CHRM3: variants seen among roughly 807,000 people sequenced by gnomAD.
CHRM3 encodes cholinergic receptor muscarinic 3.
CHRM3 carries 11 observed loss-of-function variants against 41.8 expected under a neutral mutation model. That is an observed-to-expected ratio of 0.26 (90% CI 0.17 to 0.44). The LOEUF (loss-of-function observed/expected upper bound fraction) is 0.44. Among genes scored for constraint, CHRM3 ranks in the 20% least tolerant of loss-of-function variants. The pLI, the probability that CHRM3 is intolerant of heterozygous loss-of-function variation, is 1.00. For synonymous variants in CHRM3, 297 were observed against 301.4 expected, an observed-to-expected ratio of 0.99 and a Z score of 0.15; for missense variants, 571 against 745.4, an observed-to-expected ratio of 0.77 and a Z score of 2.72.
At chr1:239,840,960 C>A (rs531663838) in intron 6 of CHRM3, among the ~76,000 whole-genome samples, 1 of 152,266 alleles carries the variant, frequency 6.6e-6, no homozygotes, top group Non-Finnish European at 1.5e-5. Flanking sequence ...TGGGCAGCAA[C>A]AAACACTGAG....
chr1:239,695,745 T>C (rs1029576329), intron 5 of CHRM3, among the ~76,000 whole-genome samples: 1 of 152,154 alleles, frequency 6.6e-6, no homozygotes, highest in African/African-American at 2.4e-5. Flanking sequence ...AACAATTGTT[T>C]TTAAGAGCCA....
chr1:239,592,278 T>G (rs1407038832), intron 3 of CHRM3, among the ~76,000 whole-genome samples: 1 of 152,232 alleles, frequency 6.6e-6, no homozygotes, highest in Non-Finnish European at 1.5e-5. Context: ...GTTTTTGCTT[T>G]GTCCCTCTAA....
intron 1 of CHRM3, among the ~76,000 whole-genome samples, chr1:239,447,145 G>A (rs574797387): frequency 1.2e-4 from 18 of 152,230 alleles, no homozygotes; most frequent in African/African-American, 4.3e-4. Flanking sequence ...ACTTTGAGTA[G>A]CATTTTCAAA....
chr1:239,641,072 G>A (rs1348547276), intron 4 of CHRM3, among the ~76,000 whole-genome samples: 1 of 152,166 alleles, frequency 6.6e-6, no homozygotes, highest in Non-Finnish European at 1.5e-5. Flanking sequence ...TAGGTGAGCG[G>A]TTTTGCGTGA....
intron 5 of CHRM3, among the ~76,000 whole-genome samples, chr1:239,681,711 G>A (rs191784736): frequency 1.3e-5 from 2 of 152,188 alleles, no homozygotes; most frequent in African/African-American, 4.8e-5. Flanking sequence ...TGAGCTGAAC[G>A]TAGTGACATC....
chr1:239,480,838 G>T (rs1392595980), intron 1 of CHRM3, among the ~76,000 whole-genome samples: 7 of 152,100 alleles, frequency 4.6e-5, no homozygotes, highest in Admixed American at 4.6e-4. Flanking sequence ...GATTACAGGC[G>T]TGAGCCACTG....
rs1221720209 is a variant in CHRM3, at chr1:239,909,005, C to T, written c.1554C>T (p.Asp518=). 6 of 1,614,030 alleles carry T rather than the reference C, an allele frequency of 3.7e-6. No homozygotes were observed. In the South Asian group the frequency reaches 5.5e-5, roughly 15 times the overall value. ...NIMVLVNTFC[D]SCIPKTFWNL... ...TGGTTCTGGTGAACACCTTTTGTGA[C>T]AGCTGCATACCCAAAACCTTTTGGA... The change falls in exon 7 of 7, where the codon GAC becomes GAT. Residue 518 remains aspartate, a synonymous_variant. Transcript: ENST00000676153.
intron 6 of CHRM3, among the ~76,000 whole-genome samples, chr1:239,874,823 C>T (rs116654165): frequency 0.017 from 2,639 of 151,964 alleles, 85 homozygotes; most frequent in African/African-American, 0.059. Context: ...CTCAGCCTCC[C>T]GAGTGGCTGG....
rs1319960761 is a variant in CHRM3, at chr1:239,478,171, G to A, written c.-520-14538G>A. 2.0e-5 allele frequency among the ~76,000 whole-genome samples: 3 copies of A among 152,148 alleles called. No homozygotes were observed. The South Asian group carries it at 6.2e-4, about 32-fold the overall frequency. On this transcript the variant is annotated intron_variant, in intron 1 of 6. Coordinates refer to ENST00000676153, the MANE Select transcript of CHRM3 (RefSeq NM_001375978.1). ...CTAAGTTCCCAAGTTCTGATGAAAG[G>A]AAAGTCCTGATTTCACCCTCAGTGG...
chr1:239,712,539 A>T (rs1178215796), intron 5 of CHRM3, among the ~76,000 whole-genome samples: 3 of 152,228 alleles, frequency 2.0e-5, no homozygotes, highest in Non-Finnish European at 2.9e-5. Context: ...AAGCTGGGGT[A>T]TCTCTGACTA....
At chr1:239,404,417 A>G (rs1332444655) in intron 1 of CHRM3, among the ~76,000 whole-genome samples, 137 of 80,196 alleles carry the variant, frequency 1.7e-3, no homozygotes, top group African/African-American at 7.0e-3. Context: ...AGAAAAAGAA[A>G]GAAAGAAAGA....
chr1:239,417,285 A>G (rs146115553), intron 1 of CHRM3, among the ~76,000 whole-genome samples: 50 of 152,326 alleles, frequency 3.3e-4, no homozygotes, highest in African/African-American at 1.0e-3. Context: ...GTAGCATAAG[A>G]ATATACTACA....
intron 4 of CHRM3, among the ~76,000 whole-genome samples, chr1:239,633,451 C>T (rs1210082516): frequency 2.0e-5 from 3 of 152,128 alleles, no homozygotes; most frequent in Non-Finnish European, 4.4e-5. Context: ...GATTACGGTT[C>T]GAGATGATAT....
chr1:239,553,342 A>G (rs1476578250), intron 3 of CHRM3, among the ~76,000 whole-genome samples: 1 of 152,048 alleles, frequency 6.6e-6, no homozygotes, highest in Non-Finnish European at 1.5e-5. Flanking sequence ...TTCTAAACTC[A>G]TAATTAAAGA....
intron 5 of CHRM3, among the ~76,000 whole-genome samples, chr1:239,708,929 T>C (rs962945637): frequency 2.0e-5 from 3 of 152,060 alleles, no homozygotes; most frequent in South Asian, 2.1e-4. Context: ...ATAAATGTAA[T>C]TATCAGCTGC....
intron 3 of CHRM3, among the ~76,000 whole-genome samples, chr1:239,556,146 T>G (rs1660334159): frequency 6.6e-6 from 1 of 152,210 alleles, no homozygotes; most frequent in South Asian, 2.1e-4. Flanking sequence ...TTTTCTTTTC[T>G]TTCCATGAAG....
chr1:239,552,597 GACTACAGGCTC>G (rs1659972774), intron 3 of CHRM3, among the ~76,000 whole-genome samples: 2 of 146,676 alleles, frequency 1.4e-5, no homozygotes, highest in Non-Finnish European at 3.0e-5. Flanking sequence ...AAATAGCTGG[GACTACAGGCTC>G]ATGCTCCACA....
chr1:239,544,982 T>C (rs904670248), intron 2 of CHRM3, among the ~76,000 whole-genome samples: 2 of 152,228 alleles, frequency 1.3e-5, no homozygotes, highest in African/African-American at 2.4e-5. Flanking sequence ...TCTTTAAATC[T>C]GTAAAGCGAG....
chr1:239,838,367 A>T (rs543882937), intron 6 of CHRM3, among the ~76,000 whole-genome samples: 22 of 152,274 alleles, frequency 1.4e-4, no homozygotes, highest in African/African-American at 5.1e-4. Flanking sequence ...GTGGTTAAAG[A>T]TGCCATCCTA....
Sources: allele counts gnomAD v4.1 joint callset (sites outside exome capture counted in the v4.1 genomes callset), GRCh38; gene constraint gnomAD v4.1.1; transcripts MANE v1.5; gene names NCBI Gene and HGNC (gene_info 2026-07-23, HGNC 2026-07-21).